Variants in KCNJ3 observed in about 807,000 individuals in gnomAD.
The protein encoded by KCNJ3 is G protein-activated inward rectifier potassium channel 1.
In KCNJ3, 4 loss-of-function variants were observed where a neutral mutation model predicts 39.2. The ratio of observed to expected loss-of-function variants is 0.10; its 90% CI spans 0.05 to 0.23. The LOEUF (loss-of-function observed/expected upper bound fraction) is 0.23, where lower values mean the gene tolerates loss of function less well. Among genes scored for constraint, KCNJ3 ranks in the 10% least tolerant of loss-of-function variants. KCNJ3 has a pLI of 1.00. For missense variants in KCNJ3, 276 were observed against 634.9 expected (o/e 0.43, Z 6.08); for synonymous variants, 230 against 237.4 (o/e 0.97, Z 0.29).
chr2:154,743,013 G>A (rs1210630495), intron 2 of KCNJ3, among the ~76,000 whole-genome samples: 1 of 151,630 alleles, frequency 6.6e-6, no homozygotes, highest in Non-Finnish European at 1.5e-5. Flanking sequence ...CTTACATATA[G>A]GTCTTTGATT....
rs112557803 is a variant in KCNJ3 at position 154,800,955 on chromosome 2, G to A, written c.920-53772G>A. ...CTCCTTGGCCTTCCTATCCCTATGA[G>A]CCTCCTGCCCCTCTGGCTCCCATGT... On this transcript the variant is annotated intron_variant, in intron 2 of 2. Transcript: ENST00000295101. Among the ~76,000 whole-genome samples, 329 of 152,238 alleles carry A rather than the reference G, an allele frequency of 2.2e-3. 9 individuals are homozygous for A. In the South Asian group the frequency reaches 0.05, roughly 23 times the overall value.
chr2:154,765,339 C>T (rs369366222), intron 2 of KCNJ3, among the ~76,000 whole-genome samples: 8 of 152,156 alleles, frequency 5.3e-5, no homozygotes, highest in South Asian at 4.1e-4. Flanking sequence ...CTATCCTATT[C>T]GTCTATCAAA....
At chr2:154,755,130 T>C (rs1330827789) in intron 2 of KCNJ3, among the ~76,000 whole-genome samples, 1 of 152,136 alleles carries the variant, frequency 6.6e-6, no homozygotes, top group Non-Finnish European at 1.5e-5. Context: ...TTAACCTTTT[T>C]CTTCCCATCA....
intron 2 of KCNJ3, among the ~76,000 whole-genome samples, chr2:154,835,458 A>G (rs1290632609): frequency 1.0e-5 from 1 of 95,628 alleles, no homozygotes; most frequent in African/African-American, 3.2e-5. Context: ...TGAATATATA[A>G]TATTCATGAA....
chr2:154,770,446 T>G (rs930210766), intron 2 of KCNJ3, among the ~76,000 whole-genome samples: 14 of 152,016 alleles, frequency 9.2e-5, no homozygotes, highest in South Asian at 2.1e-4. Flanking sequence ...TTTTTTTTTT[T>G]GCCGCAATTT....
chr2:154,737,859 C>A (rs1330769632), intron 2 of KCNJ3, among the ~76,000 whole-genome samples: 3 of 151,844 alleles, frequency 2.0e-5, no homozygotes, highest in African/African-American at 7.3e-5. Context: ...ACAGTGGCCA[C>A]AAATTTTCCA....
At chr2:154,704,318 G>T (rs954069749) in intron 1 of KCNJ3, among the ~76,000 whole-genome samples, 1 of 152,048 alleles carries the variant, frequency 6.6e-6, no homozygotes, top group Non-Finnish European at 1.5e-5. Context: ...TAATAGATTG[G>T]AGGGTATTTG....
At chr2:154,842,432 G>A (rs1687591251) in intron 2 of KCNJ3, among the ~76,000 whole-genome samples, 1 of 152,228 alleles carries the variant, frequency 6.6e-6, no homozygotes, top group East Asian at 1.9e-4. Context: ...TTGGGGTGGA[G>A]AGTTCTGTAG....
chr2:154,737,397 C>A (rs555605532), intron 2 of KCNJ3, among the ~76,000 whole-genome samples: 1 of 152,172 alleles, frequency 6.6e-6, no homozygotes, highest in South Asian at 2.1e-4. Flanking sequence ...TATTTAGTAC[C>A]TAACAATGTA....
chr2:154,821,887 C>T (rs150332867), intron 2 of KCNJ3, among the ~76,000 whole-genome samples: 21 of 152,006 alleles, frequency 1.4e-4, no homozygotes, highest in African/African-American at 4.8e-4. Flanking sequence ...ATAATCCATT[C>T]GCCTTGGCCT....
intron 2 of KCNJ3, among the ~76,000 whole-genome samples, chr2:154,804,032 A>G (rs2591148): frequency 0.54 from 81,527 of 151,896 alleles, 22,239 homozygotes; most frequent in Middle Eastern, 0.61. Context: ...ATATTTCTAA[A>G]AATGATTTCA....
At chr2:154,754,187 T>G (rs2105183977) in intron 2 of KCNJ3, among the ~76,000 whole-genome samples, 1 of 152,364 alleles carries the variant, frequency 6.6e-6, no homozygotes, top group South Asian at 2.1e-4. Flanking sequence ...ATGGTCTTTT[T>G]ATGACATTAA....
At chr2:154,758,012 A>G (rs1341416178) in intron 2 of KCNJ3, among the ~76,000 whole-genome samples, 3 of 152,114 alleles carry the variant, frequency 2.0e-5, no homozygotes, top group Non-Finnish European at 4.4e-5. Flanking sequence ...AAAAAATTAT[A>G]TGCTTAGTAT....
rs533167395 is a variant in KCNJ3 at position 154,840,387 on chromosome 2, T to C, written c.920-14340T>C. ...GTCAGGTAGCATGATGCCTCCAGCTTTGTTCTTTTGGCTTAGGATTGACTT... is the reference window on the plus strand; with the variant it reads ...GTCAGGTAGCATGATGCCTCCAGCTCTGTTCTTTTGGCTTAGGATTGACTT... On this transcript the variant is annotated intron_variant, in intron 2 of 2. Transcript: ENST00000295101. Among the ~76,000 whole-genome samples, 72 of 152,318 alleles carry C rather than the reference T, an allele frequency of 4.7e-4. 1 individual carries two copies. Among genetic ancestry groups the C allele is most frequent in the Non-Finnish European group, 2.4e-4 (16 of 68,018 alleles).
chr2:154,744,252 T>C (rs1466695394), intron 2 of KCNJ3, among the ~76,000 whole-genome samples: 2 of 151,762 alleles, frequency 1.3e-5, no homozygotes, highest in South Asian at 4.1e-4. Context: ...CTTATATTTG[T>C]TGGAAACTTT....
At chr2:154,753,059 C>A (rs1685875473) in intron 2 of KCNJ3, among the ~76,000 whole-genome samples, 1 of 152,076 alleles carries the variant, frequency 6.6e-6, no homozygotes. Flanking sequence ...TCAGTTGAAG[C>A]CTCTAATTCT....
intron 2 of KCNJ3, among the ~76,000 whole-genome samples, chr2:154,831,779 C>A (rs1219112495): frequency 6.6e-6 from 1 of 152,152 alleles, no homozygotes; most frequent in Non-Finnish European, 1.5e-5. Flanking sequence ...TGTTACAGCA[C>A]TTTGCAGGAG....
At position 154,709,685 on chromosome 2, in the gene KCNJ3, T is replaced by A; in HGVS notation, c.785T>A (p.Leu262His). 1 of 1,613,926 alleles carries A rather than the reference T, an allele frequency of 6.2e-7. No individual in the cohort carries two copies. The highest frequency in any genetic ancestry group is 8.5e-7 in the Non-Finnish European group (1 of 1,179,890). ...GGTTTTAGTACAGGGGCAGATCAAC[T>A]TTTTCTTGTGTCCCCCCTCACAATT... is the stretch of plus-strand genomic sequence containing the variant. ...DVGFSTGADQ[L>H]FLVSPLTICH... The change falls in exon 2 of 3, where the codon CTT becomes CAT. Residue 262 changes from leucine (L) to histidine (H), a missense_variant. By Grantham distance (99) the Leu-to-His change is moderately conservative. Coordinates refer to ENST00000295101, the MANE Select transcript of KCNJ3 (RefSeq NM_002239.4).
At chr2:154,840,543 C>T (rs1037349944) in intron 2 of KCNJ3, among the ~76,000 whole-genome samples, 1 of 152,170 alleles carries the variant, frequency 6.6e-6, no homozygotes, top group Non-Finnish European at 1.5e-5. Context: ...GCCATTTTCA[C>T]AATATTGATT....
Sources: gnomAD v4.1 joint callset for allele counts (sites outside exome capture counted in the v4.1 genomes callset) on GRCh38, gnomAD v4.1.1 for gene constraint, MANE v1.5 for transcripts, NCBI Gene and HGNC (gene_info 2026-07-23, HGNC 2026-07-21) for gene names.